Variants in QTMAN observed in about 807,000 individuals in gnomAD.
QTMAN encodes tRNA-queuosine alpha-mannosyltransferase.
chr2:144,260,875 A>G, the QTMAN span, among the ~76,000 whole-genome samples: 1 of 152,060 alleles, frequency 6.6e-6, no homozygotes, highest in South Asian at 2.1e-4. Flanking sequence ...TACAGTAGAT[A>G]TAAGATTTAA....
chr2:144,001,316 G>A, the QTMAN span, among the ~76,000 whole-genome samples: 11 of 151,904 alleles, frequency 7.2e-5, no homozygotes, highest in South Asian at 1.9e-3. Context: ...TGTCAAAGTC[G>A]TTCAATCTTA....
At chr2:144,241,709 C>T in the QTMAN span, among the ~76,000 whole-genome samples, 1 of 151,766 alleles carries the variant, frequency 6.6e-6, no homozygotes, top group Admixed American at 6.6e-5. Context: ...TTCTTTCTGT[C>T]TTCCTTTCTT....
At chr2:144,141,810 A>G in the QTMAN span, 1 of 1,167,976 alleles carries the variant, frequency 8.6e-7, no homozygotes, top group Non-Finnish European at 1.2e-6. Context: ...ACTGGCATGA[A>G]GAACATCAAT....
chr2:144,257,113 G>A, the QTMAN span, among the ~76,000 whole-genome samples: 740 of 130,218 alleles, frequency 5.7e-3, 7 homozygotes, highest in African/African-American at 0.02. Context: ...CAGAACAAAA[G>A]TAATGAGCAC....
the QTMAN span, among the ~76,000 whole-genome samples, chr2:144,219,596 G>A: frequency 5.9e-5 from 9 of 152,078 alleles, no homozygotes; most frequent in East Asian, 1.9e-4. Context: ...CAAGGTAGGC[G>A]GATTGCTTGA....
chr2:144,272,617 G>C, the QTMAN span, among the ~76,000 whole-genome samples: 1 of 152,090 alleles, frequency 6.6e-6, no homozygotes, highest in Non-Finnish European at 1.5e-5. Context: ...TACTGACACA[G>C]TATCAGGCCT....
chr2:144,051,289 G>A, the QTMAN span, among the ~76,000 whole-genome samples: 2 of 151,978 alleles, frequency 1.3e-5, no homozygotes, highest in African/African-American at 2.4e-5. Context: ...CTAGCACTTC[G>A]GGAGGCCAAA....
chr2:144,153,075 TAGTC>T, the QTMAN span, among the ~76,000 whole-genome samples: 1 of 152,072 alleles, frequency 6.6e-6, no homozygotes, highest in Non-Finnish European at 1.5e-5. Context: ...CTATTTGAAT[TAGTC>T]AGAGAGGGCT....
the QTMAN span, among the ~76,000 whole-genome samples, chr2:144,113,894 A>G: frequency 6.6e-6 from 1 of 152,232 alleles, no homozygotes; most frequent in African/African-American, 2.4e-5. Context: ...CACAACACAT[A>G]GTTCTCACCT....
the QTMAN span, among the ~76,000 whole-genome samples, chr2:144,020,466 T>A: frequency 6.6e-6 from 1 of 152,200 alleles, no homozygotes; most frequent in South Asian, 2.1e-4. Flanking sequence ...GAACCCAGGA[T>A]ACAGAAAACC....
At chr2:143,972,709 T>C in the QTMAN span, among the ~76,000 whole-genome samples, 1 of 152,188 alleles carries the variant, frequency 6.6e-6, no homozygotes, top group African/African-American at 2.4e-5. Context: ...AAAAGAGATT[T>C]GTGTGAATCC....
At chr2:144,199,185 T>C in the QTMAN span, among the ~76,000 whole-genome samples, 1 of 152,026 alleles carries the variant, frequency 6.6e-6, no homozygotes, top group East Asian at 1.9e-4. Flanking sequence ...GTAGCTGGGA[T>C]TACAGGTGCC....
chr2:144,138,427 A>AC, the QTMAN span, among the ~76,000 whole-genome samples: 1 of 152,126 alleles, frequency 6.6e-6, no homozygotes, highest in Non-Finnish European at 1.5e-5. Context: ...GAGAAAAAAA[A>AC]ATTTTAAGAT....
the QTMAN span, among the ~76,000 whole-genome samples, chr2:144,051,171 T>C: frequency 2.6e-5 from 4 of 152,162 alleles, no homozygotes; most frequent in African/African-American, 9.6e-5. Flanking sequence ...AAGATATATA[T>C]GCATATTACT....
At chr2:143,965,582 T>C in the QTMAN span, among the ~76,000 whole-genome samples, 21 of 152,314 alleles carry the variant, frequency 1.4e-4, no homozygotes, top group African/African-American at 5.1e-4. Context: ...TTTCTCAATC[T>C]AGGCACTATT....
At chr2:144,124,458 T>C in the QTMAN span, among the ~76,000 whole-genome samples, 1 of 152,148 alleles carries the variant, frequency 6.6e-6, no homozygotes, top group African/African-American at 2.4e-5. Flanking sequence ...TTATTTCTAA[T>C]ATTAACATTA....
chr2:144,221,950 C>T, the QTMAN span, among the ~76,000 whole-genome samples: 1 of 152,122 alleles, frequency 6.6e-6, no homozygotes, highest in African/African-American at 2.4e-5. Context: ...TCTCTACTTA[C>T]ATATAAGGAA....
chr2:144,206,495 G>A, the QTMAN span, among the ~76,000 whole-genome samples: 1 of 152,170 alleles, frequency 6.6e-6, no homozygotes, highest in African/African-American at 2.4e-5. Flanking sequence ...AAAGAGTAGA[G>A]AAGTTATCAT....
chr2:144,243,201 A>G, the QTMAN span, among the ~76,000 whole-genome samples: 3 of 152,174 alleles, frequency 2.0e-5, no homozygotes, highest in African/African-American at 7.2e-5. Context: ...GATTCTACCT[A>G]TGTATTGAGG....
Sources: allele counts gnomAD v4.1 joint callset (sites outside exome capture counted in the v4.1 genomes callset), GRCh38; gene constraint gnomAD v4.1.1; transcripts MANE v1.5; gene names NCBI Gene and HGNC (gene_info 2026-07-23, HGNC 2026-07-21).